Variants in TTLL7 observed in about 807,000 individuals in gnomAD.
TTLL7 encodes the protein tubulin polyglutamylase TTLL7.
TTLL7 carries 53 observed loss-of-function variants against 120.2 expected under a neutral mutation model. The ratio of observed to expected loss-of-function variants is 0.44; its 90% CI spans 0.35 to 0.55. TTLL7 has a LOEUF of 0.55. Ranked by LOEUF, TTLL7 falls within the 20% of genes least tolerant of loss-of-function variation. The pLI, the probability that TTLL7 is intolerant of heterozygous loss-of-function variation, is 0.00. For missense variants in TTLL7, 803 were observed against 1,054.7 expected (o/e 0.76, Z 3.31); for synonymous variants, 353 against 351.7 (o/e 1.00, Z -0.04).
intron 18 of TTLL7, among the ~76,000 whole-genome samples, chr1:83,895,073 C>T (rs1045626281): frequency 1.3e-5 from 2 of 152,062 alleles, no homozygotes; most frequent in Non-Finnish European, 2.9e-5. Flanking sequence ...AATGCCACTT[C>T]TAAGGAAAAC....
intron 1 of TTLL7, among the ~76,000 whole-genome samples, chr1:83,996,059 G>GA (rs1653450165): frequency 2.0e-5 from 3 of 152,082 alleles, no homozygotes; most frequent in Admixed American, 2.0e-4. Context: ...AACTACGCAT[G>GA]AAAAAAGTGG....
intron 1 of TTLL7, among the ~76,000 whole-genome samples, chr1:83,989,182 G>T (rs1652756311): frequency 6.6e-6 from 1 of 152,030 alleles, no homozygotes; most frequent in African/African-American, 2.4e-5. Flanking sequence ...TCTTTACTTT[G>T]GCTAGGTCCC....
At chr1:83,874,498 G>C (rs1309755299) in intron 20 of TTLL7, among the ~76,000 whole-genome samples, 1 of 152,022 alleles carries the variant, frequency 6.6e-6, no homozygotes, top group Non-Finnish European at 1.5e-5. Context: ...CCTCGGGGTA[G>C]AATTGCTGGT....
chr1:83,891,466 G>A (rs1655455761), intron 18 of TTLL7, among the ~76,000 whole-genome samples: 1 of 152,108 alleles, frequency 6.6e-6, no homozygotes, highest in Non-Finnish European at 1.5e-5. Context: ...CATTGCTAGT[G>A]TGAGTACAGA....
intron 18 of TTLL7, among the ~76,000 whole-genome samples, chr1:83,897,029 T>G (rs1656283010): frequency 6.6e-6 from 1 of 152,098 alleles, no homozygotes; most frequent in Non-Finnish European, 1.5e-5. Flanking sequence ...AGGGTTCTTT[T>G]CAGGATTTAA....
intron 16 of TTLL7, among the ~76,000 whole-genome samples, chr1:83,907,059 G>A (rs1657254722): frequency 6.6e-6 from 1 of 151,916 alleles, no homozygotes; most frequent in Non-Finnish European, 1.5e-5. Flanking sequence ...AGTGCTCTAA[G>A]GAGAATTTAT....
intron 1 of TTLL7, among the ~76,000 whole-genome samples, chr1:83,998,399 T>C (rs1391230836): frequency 6.6e-6 from 1 of 152,076 alleles, no homozygotes; most frequent in Non-Finnish European, 1.5e-5. Flanking sequence ...GAGGGAACGC[T>C]GCGATGTGAT....
At chr1:83,960,136 C>T (rs1039293235) in intron 1 of TTLL7, among the ~76,000 whole-genome samples, 4 of 152,096 alleles carry the variant, frequency 2.6e-5, no homozygotes, top group Admixed American at 1.3e-4. Context: ...ATGAAATAAC[C>T]ACAATACTTT....
chr1:83,930,088 C>T (rs1041594246), intron 9 of TTLL7, among the ~76,000 whole-genome samples: 1 of 151,932 alleles, frequency 6.6e-6, no homozygotes, highest in Non-Finnish European at 1.5e-5. Context: ...ACAGGTTCAC[C>T]GCAGAAAAAT....
At chr1:83,927,489 T>A (rs762188469) in intron 10 of TTLL7, among the ~76,000 whole-genome samples, 55 of 151,966 alleles carry the variant, frequency 3.6e-4, no homozygotes, top group Non-Finnish European at 5.6e-4. Flanking sequence ...GAATAAATAA[T>A]CAGTGAGAAT....
At chr1:83,931,208 G>A (rs922724990) in intron 9 of TTLL7, among the ~76,000 whole-genome samples, 8 of 151,938 alleles carry the variant, frequency 5.3e-5, no homozygotes, top group Non-Finnish European at 2.9e-5. Flanking sequence ...TCAACAGCTT[G>A]TAAATGCATT....
At chr1:83,871,488 T>C (rs1653390011) in intron 20 of TTLL7, among the ~76,000 whole-genome samples, 1 of 152,084 alleles carries the variant, frequency 6.6e-6, no homozygotes, top group Non-Finnish European at 1.5e-5. Flanking sequence ...TAAAGATACT[T>C]ATGAGGAATT....
chr1:83,907,151 C>T (rs1657260243), intron 16 of TTLL7, among the ~76,000 whole-genome samples: 1 of 151,990 alleles, frequency 6.6e-6, no homozygotes, highest in Non-Finnish European at 1.5e-5. Flanking sequence ...CTGCATAATA[C>T]ACTGCAAAAC....
intron 1 of TTLL7, among the ~76,000 whole-genome samples, chr1:83,988,784 C>G (rs560614908): frequency 6.6e-5 from 10 of 152,202 alleles, no homozygotes; most frequent in Non-Finnish European, 1.2e-4. Flanking sequence ...TCTCAGCTCA[C>G]TGCAGTCTCC....
At chr1:83,924,239 G>C (rs1435058414) in intron 10 of TTLL7, among the ~76,000 whole-genome samples, 2 of 152,158 alleles carry the variant, frequency 1.3e-5, no homozygotes, top group East Asian at 3.8e-4. Context: ...AATGTGGGGG[G>C]AAGTATGATG....
At chr1:83,899,043 T>C (rs1656484907) in intron 18 of TTLL7, among the ~76,000 whole-genome samples, 1 of 151,942 alleles carries the variant, frequency 6.6e-6, no homozygotes, top group Non-Finnish European at 1.5e-5. Flanking sequence ...TAAAAGAACC[T>C]ACAAATTTTG....
At chr1:83,909,269 C>CTTTT (rs71582911) in intron 15 of TTLL7, among the ~76,000 whole-genome samples, 14 of 99,282 alleles carry the variant, frequency 1.4e-4, no homozygotes, top group East Asian at 5.9e-4. Flanking sequence ...TTTTTTTTTC[C>CTTTT]TTTTTTTTTT....
chr1:83,895,215 C>G (rs181098963), intron 18 of TTLL7, among the ~76,000 whole-genome samples: 298 of 152,108 alleles, frequency 2.0e-3, no homozygotes, highest in South Asian at 3.7e-3. Flanking sequence ...GTAAACTGTG[C>G]CCATCTTGAT....
In TTLL7 at chr1:83,910,226, C is replaced by A. The variant is rs182163397; in HGVS notation, c.1786+939G>T. Among the ~76,000 whole-genome samples, 1,181 of 152,212 alleles carry A rather than the reference C, an allele frequency of 7.8e-3. 15 individuals carry two copies. The highest frequency in any genetic ancestry group is 0.011 in the Non-Finnish European group (759 of 68,002). On this transcript the variant is annotated intron_variant, in intron 15 of 20. Transcript: ENST00000260505. ...GTGTTTAAGGCCAGTTTTAAAATAT[C>A]CACATTATCAGGGAAGTTAACATAT...
Sources: gnomAD v4.1 joint callset for allele counts (sites outside exome capture counted in the v4.1 genomes callset) on GRCh38, gnomAD v4.1.1 for gene constraint, MANE v1.5 for transcripts, NCBI Gene and HGNC (gene_info 2026-07-23, HGNC 2026-07-21) for gene names.